The following GRID1 variants were observed in gnomAD, a reference collection of about 807,000 sequenced individuals.
GRID1 encodes glutamate ionotropic receptor delta type subunit 1.
GRID1 carries 28 observed loss-of-function variants against 98.0 expected under a neutral mutation model. That is an observed-to-expected ratio of 0.29 (90% CI 0.21 to 0.39). GRID1 has a LOEUF of 0.39. Ranked by LOEUF, GRID1 falls within the 10% of genes least tolerant of loss-of-function variation. The probability of loss-of-function intolerance (pLI) is 1.00; values close to 1 mark genes in which losing one functional copy is unlikely to be tolerated. For missense variants in GRID1, 1,111 were observed against 1,340.5 expected (o/e 0.83, Z 2.67); for synonymous variants, 553 against 538.5 (o/e 1.03, Z -0.37).
chr10:86,332,930 G>C (rs1298853991), intron 2 of GRID1, among the ~76,000 whole-genome samples: 3 of 152,118 alleles, frequency 2.0e-5, no homozygotes, highest in African/African-American at 4.8e-5. Context: ...TCTCCGCCTG[G>C]CTGCACCATC....
chr10:86,252,591 A>G (rs1846854605), intron 2 of GRID1, among the ~76,000 whole-genome samples: 1 of 152,216 alleles, frequency 6.6e-6, no homozygotes, highest in Admixed American at 6.5e-5. Context: ...GAAGAAACTC[A>G]TCTTCCCCCT....
chr10:86,110,415 T>C (rs888663114), intron 4 of GRID1, among the ~76,000 whole-genome samples: 1 of 152,144 alleles, frequency 6.6e-6, no homozygotes, highest in African/African-American at 2.4e-5. Flanking sequence ...GAGGGGAAGA[T>C]GGCTTGGGGC....
intron 8 of GRID1, among the ~76,000 whole-genome samples, chr10:85,816,055 A>G (rs1010626207): frequency 2.0e-5 from 3 of 152,122 alleles, no homozygotes; most frequent in Non-Finnish European, 4.4e-5. Flanking sequence ...GAGCAAAAAG[A>G]ACATGAATTC....
chr10:85,826,225 C>G lies in GRID1; in HGVS notation c.1233+28271G>C, dbSNP rs529203518. On this transcript the variant is annotated intron_variant, in intron 8 of 15. Transcript: ENST00000327946. ...TGGCACATGCCTGCAATCCCAGCTA[C>G]TCGGGAGGCTAAGGCAGGAGAATCG... Among the ~76,000 whole-genome samples the G allele has an allele frequency of 6.6e-5, 10 of 152,254 alleles. No individual in the cohort carries two copies. The South Asian group carries it at 2.1e-3, about 32-fold the overall frequency.
chr10:86,270,732 C>T (rs986906601), intron 2 of GRID1, among the ~76,000 whole-genome samples: 2 of 151,820 alleles, frequency 1.3e-5, no homozygotes, highest in African/African-American at 4.8e-5. Flanking sequence ...ACTTCTGCTT[C>T]TAACCCAGCT....
intron 4 of GRID1, among the ~76,000 whole-genome samples, chr10:85,980,412 A>G (rs964713656): frequency 6.6e-6 from 1 of 151,838 alleles, no homozygotes; most frequent in Admixed American, 6.6e-5. Flanking sequence ...ATGTTTCCAT[A>G]TAATAGATGA....
intron 5 of GRID1, among the ~76,000 whole-genome samples, chr10:85,913,707 TG>T (rs2131822829): frequency 0.014 from 1 of 70 alleles, no homozygotes; most frequent in South Asian, 0.5. Context: ...GAGAATTGCT[TG>T]AGGCCCGGGA....
chr10:85,874,276 A>AT (rs1292748990), intron 5 of GRID1, among the ~76,000 whole-genome samples: 3 of 151,988 alleles, frequency 2.0e-5, no homozygotes, highest in South Asian at 2.1e-4. Context: ...ATATTTTGCT[A>AT]TTTTTTCATT....
intron 4 of GRID1, among the ~76,000 whole-genome samples, chr10:86,028,667 C>A (rs962602361): frequency 6.6e-6 from 1 of 152,184 alleles, no homozygotes; most frequent in African/African-American, 2.4e-5. Flanking sequence ...CTCCCCTCAG[C>A]ATACCTCTTA....
chr10:85,977,121 G>A lies in GRID1; in HGVS notation c.727-60882C>T, dbSNP rs117191955. 4.8e-3 allele frequency among the ~76,000 whole-genome samples: 727 copies of A among 152,354 alleles called. 6 individuals are homozygous for A. Among genetic ancestry groups the A allele is most frequent in the Non-Finnish European group, 8.1e-3 (552 of 68,022 alleles). On this transcript the variant is annotated intron_variant, in intron 4 of 15. Coordinates refer to ENST00000327946, the MANE Select transcript of GRID1 (RefSeq NM_017551.3). ...ACTCTCCTGATGCATTTGATTTGGAGTTCAGCCCCCTCTGCTATAAATGTG... is the reference window on the plus strand; with the variant it reads ...ACTCTCCTGATGCATTTGATTTGGAATTCAGCCCCCTCTGCTATAAATGTG...
At chr10:85,741,511 C>T (rs1228737843) in intron 8 of GRID1, among the ~76,000 whole-genome samples, 7 of 152,098 alleles carry the variant, frequency 4.6e-5, no homozygotes, top group Non-Finnish European at 1.0e-4. Flanking sequence ...CCCAGAAGAA[C>T]ATAGGCACAG....
chr10:85,702,151 A>C (rs905765772), intron 12 of GRID1, among the ~76,000 whole-genome samples: 1 of 152,118 alleles, frequency 6.6e-6, no homozygotes, highest in African/African-American at 2.4e-5. Context: ...AAAATACTAT[A>C]ATTTACTACA....
At chr10:85,751,786 GTTAAA>G (rs1037900801) in intron 8 of GRID1, among the ~76,000 whole-genome samples, 1 of 152,036 alleles carries the variant, frequency 6.6e-6, no homozygotes, top group Non-Finnish European at 1.5e-5. Context: ...AAAAATTATT[GTTAAA>G]TTTATTTAAA....
intron 4 of GRID1, among the ~76,000 whole-genome samples, chr10:86,113,659 C>T (rs1844524998): frequency 6.6e-6 from 1 of 152,298 alleles, no homozygotes; most frequent in South Asian, 2.1e-4. Flanking sequence ...TGCCAGACCC[C>T]CACACCCTGC....
chr10:86,281,433 G>C (rs559110635), intron 2 of GRID1, among the ~76,000 whole-genome samples: 1 of 152,156 alleles, frequency 6.6e-6, no homozygotes, highest in African/African-American at 2.4e-5. Context: ...AGCTGTCCTG[G>C]GCTAGAGGAA....
intron 2 of GRID1, among the ~76,000 whole-genome samples, chr10:86,309,261 C>G (rs533311376): frequency 1.3e-5 from 2 of 152,282 alleles, no homozygotes; most frequent in East Asian, 3.9e-4. Context: ...CCAGATGAGA[C>G]AAGAGCCTAC....
intron 2 of GRID1, among the ~76,000 whole-genome samples, chr10:86,243,602 T>C (rs2607841): frequency 0.89 from 136,089 of 152,250 alleles, 61,385 homozygotes; most frequent in African/African-American, 0.92. Flanking sequence ...AGTTCCTCTA[T>C]GCCAGGCCCT....
intron 8 of GRID1, among the ~76,000 whole-genome samples, chr10:85,844,106 C>G (rs1842984561): frequency 6.6e-6 from 1 of 152,018 alleles, no homozygotes; most frequent in Non-Finnish European, 1.5e-5. Context: ...TTGACACATG[C>G]AACAACTTGG....
At chr10:86,109,804 G>C (rs1345849868) in intron 4 of GRID1, among the ~76,000 whole-genome samples, 1 of 152,130 alleles carries the variant, frequency 6.6e-6, no homozygotes, top group Admixed American at 6.6e-5. Context: ...GCTTTCAAGA[G>C]CTGGAACTCT....
Sources: gnomAD v4.1 joint callset for allele counts (sites outside exome capture counted in the v4.1 genomes callset) on GRCh38, gnomAD v4.1.1 for gene constraint, MANE v1.5 for transcripts, NCBI Gene and HGNC (gene_info 2026-07-23, HGNC 2026-07-21) for gene names.